SLC7A5: variants seen among roughly 807,000 people sequenced by gnomAD.
The protein encoded by SLC7A5 is large neutral amino acids transporter small subunit 1.
SLC7A5 carries 23 observed loss-of-function variants against 50.2 expected under a neutral mutation model. The ratio of observed to expected loss-of-function variants is 0.46; its 90% CI spans 0.33 to 0.65. SLC7A5 has a LOEUF of 0.65. Among genes scored for constraint, SLC7A5 ranks in the 30% least tolerant of loss-of-function variants. The pLI is 0.02. For missense variants in SLC7A5, 578 were observed against 684.4 expected (o/e 0.84, Z 1.73); for synonymous variants, 393 against 330.6 (o/e 1.19, Z -2.05).
intron 1 of SLC7A5, among the ~76,000 whole-genome samples, chr16:87,859,990 C>T (rs1166018110): frequency 6.6e-6 from 1 of 152,010 alleles, no homozygotes; most frequent in Non-Finnish European, 1.5e-5. Context: ...ATACTCCTTT[C>T]TATTGATACC....
At chr16:87,857,589 G>A (rs1485592539) in intron 1 of SLC7A5, among the ~76,000 whole-genome samples, 3 of 152,202 alleles carry the variant, frequency 2.0e-5, no homozygotes, top group Non-Finnish European at 4.4e-5. Flanking sequence ...GGCCGGGATG[G>A]TCTGCTTATA....
At chr16:87,834,623 T>C (rs755093866) in intron 8 of SLC7A5, 32 bp from the exon 9 acceptor site, 1 of 1,561,946 alleles carries the variant, frequency 6.4e-7, no homozygotes, top group Non-Finnish European at 8.7e-7. Context: ...GGGTGAGCCC[T>C]CTCCTGTCCA....
chr16:87,849,147 GTC>G (rs749421979), intron 2 of SLC7A5, among the ~76,000 whole-genome samples: 14 of 152,254 alleles, frequency 9.2e-5, no homozygotes, highest in Non-Finnish European at 1.8e-4. Flanking sequence ...TGAGGCCGGA[GTC>G]TCTGCCTTGA....
intron 2 of SLC7A5, among the ~76,000 whole-genome samples, chr16:87,848,529 G>A (rs1057097594): frequency 1.3e-5 from 2 of 152,214 alleles, no homozygotes; most frequent in Non-Finnish European, 2.9e-5. Flanking sequence ...AGAACCTCAT[G>A]TGACACCTAA....
Position 87,834,443 on chromosome 16 carries a change from T to A in SLC7A5, c.1439A>T (p.Asn480Ile). ...GCCCTGGAGGAGCCACTTGGGCTTG[T>A]TTTTCCACCAGACCCCGAAGAAGTA... The part of the protein sequence containing the change: ...PVYFFGVWWK[N>I]KPKWLLQGIF... Residue 480 changes from asparagine to isoleucine, a missense_variant, in exon 9 of 10, where the codon AAC becomes ATC. By Grantham distance (149) the Asn-to-Ile change is moderately radical. Coordinates refer to ENST00000261622, the MANE Select transcript of SLC7A5 (RefSeq NM_003486.7). 6.4e-7 allele frequency: 1 copy of A among 1,558,368 alleles called. No individual in the cohort carries two copies. The highest frequency in any genetic ancestry group is 1.2e-5 in the South Asian group (1 of 84,458).
intron 1 of SLC7A5, among the ~76,000 whole-genome samples, chr16:87,855,984 G>A (rs1163105404): frequency 6.6e-6 from 1 of 152,178 alleles, no homozygotes; most frequent in African/African-American, 2.4e-5. Context: ...CCCGAGCCAG[G>A]CACAGCAGTG....
At chr16:87,846,341 C>A (rs971563800) in intron 2 of SLC7A5, among the ~76,000 whole-genome samples, 1 of 152,254 alleles carries the variant, frequency 6.6e-6, no homozygotes, top group African/African-American at 2.4e-5. Flanking sequence ...GAGCTGTGGC[C>A]GACTCCTCCC....
chr16:87,834,340 G>T, intron 9 of SLC7A5, 74 bp downstream of exon 9: 1 of 1,461,164 alleles, frequency 6.8e-7, no homozygotes, highest in South Asian at 1.2e-5. Context: ...GGGTGGAGAC[G>T]GCCGACGCCT....
At position 87,869,436 on chromosome 16, in the gene SLC7A5, G is replaced by A. The variant is rs2055506435; in HGVS notation, c.-14C>T. The A allele has an allele frequency of 2.8e-6, 4 of 1,435,608 alleles. No individual in the cohort carries two copies. The highest frequency in any genetic ancestry group is 1.5e-5 in the African/African-American group (1 of 66,668). The allele number at this position is 1,435,608 out of a possible 1,614,324, so 88.9% of individuals were successfully genotyped here. A position where few individuals can be genotyped will look rare whatever the true frequency, so the allele number is the denominator to read the frequency against. On this transcript the variant is annotated 5_prime_UTR_variant, in exon 1 of 10. Transcript: ENST00000261622. Reference sequence around the variant, plus strand: ...CGCACCCGCCATGCTCTGCGCACCGGCCGGGCCTGGGACACCCGGGAGCCG... The same window carrying A: ...CGCACCCGCCATGCTCTGCGCACCGACCGGGCCTGGGACACCCGGGAGCCG...
In SLC7A5 at chr16:87,869,327, C is replaced by A. The variant is rs776492185; in HGVS notation, c.96G>T (p.Ala32=). The part of the protein sequence containing the change: ...AREKMLAAKS[A]DGSAPAGEGE... ...CCTCGCCTGCCGGCGCCGAGCCGTC[C>A]GCGCTCTTGGCGGCCAGCATCTTCT... Residue 32 remains alanine, a synonymous_variant, in exon 1 of 10, where the codon GCG becomes GCT. Transcript: ENST00000261622. The A allele has an allele frequency of 1.9e-6, 3 of 1,610,366 alleles. No individual in the cohort carries two copies. The highest frequency in any genetic ancestry group is 1.7e-6 in the Non-Finnish European group (2 of 1,179,330).
chr16:87,849,163 A>G (rs1163689130), intron 2 of SLC7A5, among the ~76,000 whole-genome samples: 1 of 152,228 alleles, frequency 6.6e-6, no homozygotes, highest in African/African-American at 2.4e-5. Flanking sequence ...GCCTTGAAGT[A>G]TCTGGGGGCG....
intron 2 of SLC7A5, 40 bp downstream of exon 2, chr16:87,851,684 C>A: frequency 6.2e-7 from 1 of 1,601,566 alleles, no homozygotes; most frequent in Non-Finnish European, 8.5e-7. Context: ...ACAGGCAAAG[C>A]CTCGAGGGGC....
chr16:87,866,722 C>T (rs1025287496), intron 1 of SLC7A5, among the ~76,000 whole-genome samples: 1 of 152,154 alleles, frequency 6.6e-6, no homozygotes, highest in African/African-American at 2.4e-5. Context: ...CTGCCTCGGC[C>T]TCCCAAGTGC....
Position 87,832,875 on chromosome 16 carries a change from G to C in SLC7A5, c.*95C>G. The C allele has an allele frequency of 3.0e-6, 3 of 993,678 alleles. No homozygotes were observed. The highest frequency in any genetic ancestry group is 4.8e-6 in the Non-Finnish European group (3 of 618,758). 61.6% of individuals were successfully genotyped at this position (993,678 alleles called of 1,614,324 possible). On this transcript the variant is annotated 3_prime_UTR_variant, in exon 10 of 10. Transcript: ENST00000261622. The surrounding 1 kb of genome is among the most constrained non-coding windows in gnomAD (Gnocchi z 4.6). ...GCGAGGGACTGGGATGGGCAGCTGA[G>C]CTGTGGGTTGCGGGGAACCGGAGTG...
At chr16:87,851,871 G>A in intron 1 of SLC7A5, 22 bp from the exon 2 acceptor site, 1 of 1,612,488 alleles carries the variant, frequency 6.2e-7, no homozygotes. Context: ...GAGGGCAGCG[G>A]TGAGTTCCAC....
At chr16:87,837,550 C>G (rs147517695) in intron 7 of SLC7A5, 250 of 443,498 alleles carry the variant, frequency 5.6e-4, no homozygotes, top group African/African-American at 4.5e-3. Flanking sequence ...AGAGTGGGCG[C>G]CCACGGAGGT....
In SLC7A5 at chr16:87,860,367, C is replaced by T. The variant is rs1406060441; in HGVS notation, c.538+8518G>A. Among the ~76,000 whole-genome samples the T allele has an allele frequency of 2.2e-4, 32 of 144,614 alleles. No individual in the cohort carries two copies. Among genetic ancestry groups the T allele is most frequent in the African/African-American group, 6.7e-4 (25 of 37,478 alleles). 94.9% of individuals were successfully genotyped at this position (144,614 alleles called of 152,430 possible). On this transcript the variant is annotated intron_variant, in intron 1 of 9. Coordinates refer to ENST00000261622, the MANE Select transcript of SLC7A5 (RefSeq NM_003486.7). This position sits in a 1 kb window ranked among gnomAD's most constrained non-coding sequence, Gnocchi z 4.8. ...ACACACACACACACACACACACACA[C>T]ACACACACACACACACACACACACA...
rs200473635 is a variant in SLC7A5, at chr16:87,842,735, G to C, written c.665-1580C>G. Among the ~76,000 whole-genome samples the C allele has an allele frequency of 2.0e-5, 3 of 152,152 alleles. No individual in the cohort carries two copies. In the East Asian group the frequency reaches 5.8e-4, roughly 29 times the overall value. On this transcript the variant is annotated intron_variant, in intron 2 of 9. Coordinates refer to ENST00000261622, the MANE Select transcript of SLC7A5 (RefSeq NM_003486.7). Reference sequence around the variant, plus strand: ...GCTGAGGCCTTGATCTCCTGAGAAGGAGCTCCAGGGCCCACTGCCTGCGTG... The same window carrying C: ...GCTGAGGCCTTGATCTCCTGAGAAGCAGCTCCAGGGCCCACTGCCTGCGTG...
In SLC7A5 at chr16:87,869,430, G is replaced by A. The variant is rs568719637; in HGVS notation, c.-8C>T. The A allele has an allele frequency of 3.4e-6, 5 of 1,450,842 alleles. No individual in the cohort carries two copies. The East Asian group carries it at 7.9e-5, about 23-fold the overall frequency. The allele number at this position is 1,450,842 out of a possible 1,614,324, so 89.9% of individuals were successfully genotyped here. The stretch of plus-strand genomic sequence containing the variant: ...CGGGCCCGCACCCGCCATGCTCTGC[G>A]CACCGGCCGGGCCTGGGACACCCGG... On this transcript the variant is annotated 5_prime_UTR_variant, in exon 1 of 10. Coordinates refer to ENST00000261622, the MANE Select transcript of SLC7A5 (RefSeq NM_003486.7).
Sources: allele counts gnomAD v4.1 joint callset (sites outside exome capture counted in the v4.1 genomes callset), GRCh38; gene constraint gnomAD v4.1.1; non-coding constraint Gnocchi (gnomAD v3.1); transcripts MANE v1.5; gene names NCBI Gene and HGNC (gene_info 2026-07-23, HGNC 2026-07-21).